TNFRSF10C: variants seen among roughly 807,000 people sequenced by gnomAD.
TNFRSF10C encodes the protein TNF receptor superfamily member 10c.
A neutral mutation model predicts 16.7 loss-of-function variants in TNFRSF10C; 17 were observed. The ratio of observed to expected loss-of-function variants is 1.02; its 90% CI spans 0.70 to 1.53. TNFRSF10C has a LOEUF of 1.53. Among genes scored for constraint, TNFRSF10C ranks in the 40% most tolerant of loss-of-function variants. The probability of loss-of-function intolerance (pLI) is 0.00; values close to 1 mark genes in which losing one functional copy is unlikely to be tolerated. For synonymous variants in TNFRSF10C, 73 were observed against 119.7 expected, an observed-to-expected ratio of 0.61 and a Z score of 2.55; for missense variants, 237 against 329.7, an observed-to-expected ratio of 0.72 and a Z score of 2.18.
Position 23,103,058 on chromosome 8 carries a change from C to T in TNFRSF10C, c.-64C>T. ...TAGGGAACTCTGGGGACAGAGCGCCCCGGCCGCCTGATGGCCGAGGCAGGG... is the reference window on the plus strand; with the variant it reads ...TAGGGAACTCTGGGGACAGAGCGCCTCGGCCGCCTGATGGCCGAGGCAGGG... On this transcript the variant is annotated 5_prime_UTR_variant, in exon 1 of 5. Coordinates refer to ENST00000356864, the MANE Select transcript of TNFRSF10C (RefSeq NM_003841.5). 1 of 1,581,788 alleles carries T rather than the reference C, an allele frequency of 6.3e-7. No individual in the cohort carries two copies. The highest frequency in any genetic ancestry group is 8.6e-7 in the Non-Finnish European group (1 of 1,164,380).
chr8:23,114,297 C>A (rs1293745770), intron 2 of TNFRSF10C, among the ~76,000 whole-genome samples: 1 of 151,072 alleles, frequency 6.6e-6, no homozygotes, highest in Non-Finnish European at 1.5e-5. Context: ...TGAGTGACGG[C>A]GTAAAAAAAG....
At position 23,102,994 on chromosome 8, in the gene TNFRSF10C, G is replaced by T; in HGVS notation, c.-128G>T. 6.5e-7 allele frequency: 1 copy of T among 1,537,882 alleles called. No individual in the cohort carries two copies. Among genetic ancestry groups the T allele is most frequent in the South Asian group, 1.2e-5 (1 of 83,576 alleles). On this transcript the variant is annotated 5_prime_UTR_variant, in exon 1 of 5. Coordinates refer to ENST00000356864, the MANE Select transcript of TNFRSF10C (RefSeq NM_003841.5). ...ATTTCTGATAGATTTTTGGGAGTTT[G>T]ACCAGAGATGCAAGGGGTGAAGGAG...
At chr8:23,116,337 G>A (rs1221029822) in intron 4 of TNFRSF10C, among the ~76,000 whole-genome samples, 1 of 152,222 alleles carries the variant, frequency 6.6e-6, no homozygotes, top group East Asian at 1.9e-4. Context: ...AAGGGCTCGT[G>A]ACCTTCCCCT....
chr8:23,113,331 G>A (rs1438733296), intron 2 of TNFRSF10C, among the ~76,000 whole-genome samples: 1 of 151,856 alleles, frequency 6.6e-6, no homozygotes, highest in African/African-American at 2.4e-5. Context: ...TTTTCCTTTT[G>A]TTGCCTGTGC....
In TNFRSF10C at chr8:23,104,834, G is replaced by A. The variant is rs193110500; in HGVS notation, c.60+1653G>A. 2.4e-3 allele frequency among the ~76,000 whole-genome samples: 371 copies of A among 152,292 alleles called. 4 individuals are homozygous for A. The highest frequency in any genetic ancestry group is 1.9e-3 in the Non-Finnish European group (128 of 68,014). On this transcript the variant is annotated intron_variant, in intron 1 of 4. Coordinates refer to ENST00000356864, the MANE Select transcript of TNFRSF10C (RefSeq NM_003841.5). Reference sequence around the variant, plus strand: ...TTTTTGGTACTGGGAGTAGACCAGGGTATCCAGATGAGACAGCAGGGAAGA... The same window carrying A: ...TTTTTGGTACTGGGAGTAGACCAGGATATCCAGATGAGACAGCAGGGAAGA...
At chr8:23,116,105 G>T (rs1563345769) in intron 4 of TNFRSF10C, among the ~76,000 whole-genome samples, 1 of 152,204 alleles carries the variant, frequency 6.6e-6, no homozygotes, top group Non-Finnish European at 1.5e-5. Flanking sequence ...GCTCCTTCAA[G>T]TTCCCATGAA....
In TNFRSF10C at chr8:23,114,695, T is replaced by C; in HGVS notation, c.205T>C (p.Cys69Arg). The change falls in exon 3 of 5, where the codon TGC becomes CGC. Residue 69 changes from cysteine (C) to arginine (R), a missense_variant. By Grantham distance (180) the Cys-to-Arg change is radical. Around this residue, in one of 2 missense-constraint regions of TNFRSF10C, gnomAD observed 212 missense variants for 196.8 expected, o/e 1.08. Transcript: ENST00000356864. ...AGAACATACTGGAGCCTGTAACCCGTGCACAGAGGGTGTGGATTACACCAA... is the reference window on the plus strand; with the variant it reads ...AGAACATACTGGAGCCTGTAACCCGCGCACAGAGGGTGTGGATTACACCAA... The part of the protein sequence containing the change: ...RSEHTGACNP[C>R]TEGVDYTNAS... 2 of 1,614,112 alleles carry C rather than the reference T, an allele frequency of 1.2e-6. No homozygotes were observed. Among genetic ancestry groups the C allele is most frequent in the Non-Finnish European group, 1.7e-6 (2 of 1,179,954 alleles).
chr8:23,113,815 C>T (rs1012763178), intron 2 of TNFRSF10C, among the ~76,000 whole-genome samples: 4 of 151,914 alleles, frequency 2.6e-5, no homozygotes, highest in East Asian at 1.9e-4. Flanking sequence ...CAAATCTGGG[C>T]GTGGTGGTGC....
In TNFRSF10C at chr8:23,114,063, CG is replaced by C. The variant is rs370285957; in HGVS notation, c.167-590del. 5.3e-5 allele frequency among the ~76,000 whole-genome samples: 8 copies of C among 152,004 alleles called. No individual in the cohort carries two copies. In the South Asian group the frequency reaches 1.0e-3, roughly 20 times the overall value. On this transcript the variant is annotated intron_variant, in intron 2 of 4. Transcript: ENST00000356864. Reference sequence around the variant, plus strand: ...GATAGACAAGGTTGGTGGGGCCTCTCGGGGATGGTGATTTGGGCTGATATTT... The same window carrying C: ...GATAGACAAGGTTGGTGGGGCCTCTCGGGATGGTGATTTGGGCTGATATTT...
At chr8:23,103,413 CG>C in intron 1 of TNFRSF10C, 1 of 697,316 alleles carries the variant, frequency 1.4e-6, no homozygotes, top group South Asian at 1.8e-5. Flanking sequence ...CCCGAGCCCG[CG>C]AAGGGAGGGA....
intron 1 of TNFRSF10C, among the ~76,000 whole-genome samples, chr8:23,104,600 A>C (rs142209925): frequency 2.5e-3 from 378 of 152,310 alleles, no homozygotes; most frequent in African/African-American, 8.6e-3. Flanking sequence ...TGACTTCAGA[A>C]GTTTCTTTAA....
chr8:23,112,942 A>G (rs1563344518), intron 2 of TNFRSF10C, among the ~76,000 whole-genome samples: 3 of 112,142 alleles, frequency 2.7e-5, no homozygotes, highest in African/African-American at 3.7e-5. Flanking sequence ...CCAACAGTGT[A>G]CCAGCATTCC....
At position 23,115,554 on chromosome 8, in the gene TNFRSF10C, T is replaced by A; in HGVS notation, c.327T>A (p.Cys109Ter). 1.9e-6 allele frequency: 3 copies of A among 1,613,440 alleles called. No individual in the cohort carries two copies. Among genetic ancestry groups the A allele is most frequent in the Non-Finnish European group, 2.5e-6 (3 of 1,179,712 alleles). ...SSCTMTRDTV[C>*]QCKEGTFRNE... ...GCACCATGACCAGAGACACAGTGTG[T>A]CAGTGTAAAGAAGGCACCTTCCGGA... Residue 109 changes from cysteine to a stop codon, truncating the protein, a stop_gained, in exon 4 of 5, where the codon TGT becomes TGA. Transcript: ENST00000356864. LOFTEE classifies it high-confidence loss of function.
intron 1 of TNFRSF10C, among the ~76,000 whole-genome samples, chr8:23,109,907 T>C (rs1813847589): frequency 6.6e-6 from 1 of 150,440 alleles, no homozygotes; most frequent in South Asian, 2.1e-4. Context: ...CTACAAAATA[T>C]GTGAAAATTA....
rs1813988334 is a variant in TNFRSF10C at position 23,116,652 on chromosome 8, G to A, written c.401G>A (p.Gly134Glu). The change falls in exon 5 of 5, where the codon GGG (glycine) becomes GAG (glutamate). Residue 134 changes from glycine (G) to glutamate (E), a missense_variant. Gly to Glu is a moderately conservative substitution (Grantham distance 98, BLOSUM62 -2). This residue lies in a region of TNFRSF10C where 212 missense variants were observed against 196.8 expected (regional missense o/e 1.08). Coordinates refer to ENST00000356864, the MANE Select transcript of TNFRSF10C (RefSeq NM_003841.5). ...CTGTGTGTACCCAGGTGCCCTAGTG[G>A]GGAAGTCCAAGTCAGTAATTGTACG... ...MCRKCSRCPS[G>E]EVQVSNCTSW... 6.2e-7 allele frequency: 1 copy of A among 1,613,578 alleles called. No individual in the cohort carries two copies. Among genetic ancestry groups the A allele is most frequent in the African/African-American group, 1.3e-5 (1 of 74,908 alleles).
intron 3 of TNFRSF10C, 130 bp downstream of exon 3, chr8:23,114,900 T>C (rs1157656112): frequency 1.5e-6 from 1 of 688,672 alleles, no homozygotes; most frequent in Non-Finnish European, 2.5e-6. Context: ...TATGATTATA[T>C]ATTTGACTGA....
intron 1 of TNFRSF10C, among the ~76,000 whole-genome samples, chr8:23,107,726 C>T (rs11994916): frequency 0.014 from 2,079 of 152,242 alleles, 55 homozygotes; most frequent in African/African-American, 0.047. Context: ...GGTAAACTTA[C>T]AGGTCTATTT....
At chr8:23,113,212 T>G (rs1330295026) in intron 2 of TNFRSF10C, among the ~76,000 whole-genome samples, 1 of 152,258 alleles carries the variant, frequency 6.6e-6, no homozygotes, top group African/African-American at 2.4e-5. Flanking sequence ...ACCAAAATCT[T>G]GGATCTTTTG....
At position 23,103,069 on chromosome 8, in the gene TNFRSF10C, A is replaced by C; in HGVS notation, c.-53A>C. The C allele has an allele frequency of 6.3e-7, 1 of 1,591,182 alleles. No individual in the cohort carries two copies. Among genetic ancestry groups the C allele is most frequent in the Non-Finnish European group, 8.6e-7 (1 of 1,169,524 alleles). On this transcript the variant is annotated 5_prime_UTR_variant, in exon 1 of 5. An upstream start codon of the reference 5' UTR is lost. Coordinates refer to ENST00000356864, the MANE Select transcript of TNFRSF10C (RefSeq NM_003841.5). ...GGGGACAGAGCGCCCCGGCCGCCTGATGGCCGAGGCAGGGTGCGACCCAGG... is the reference window on the plus strand; with the variant it reads ...GGGGACAGAGCGCCCCGGCCGCCTGCTGGCCGAGGCAGGGTGCGACCCAGG...
Sources: allele counts gnomAD v4.1 joint callset (sites outside exome capture counted in the v4.1 genomes callset), GRCh38; gene constraint gnomAD v4.1.1; regional missense constraint gnomAD v4.1.1; transcripts MANE v1.5; gene names NCBI Gene and HGNC (gene_info 2026-07-23, HGNC 2026-07-21).